AXDND1: variants seen among roughly 807,000 people sequenced by gnomAD.
AXDND1 encodes axonemal dynein light chain domain-containing protein 1.
In AXDND1, 110 loss-of-function variants were observed where a neutral mutation model predicts 137.5. The observed-to-expected ratio is 0.80, with a 90% CI of 0.69 to 0.94. The LOEUF is 0.94. Among genes scored for constraint, AXDND1 ranks in the 40% least tolerant of loss-of-function variants. The pLI is 0.00. For synonymous variants in AXDND1, 414 were observed against 399.7 expected (o/e 1.04, Z -0.43); for missense variants, 1,191 against 1,169.8 (o/e 1.02, Z -0.26).
At position 179,468,547 on chromosome 1, in the gene AXDND1, A is replaced by G; in HGVS notation, c.1903A>G (p.Ile635Val). ...PDTPLEEWQE[I>V]DEKINEMKSH... ...TACGCCTCTTGAAGAATGGCAGGAA[A>G]TAGATGAAAAAATTAATGAAATGAA... The change falls in exon 17 of 26, where the codon ATA becomes GTA. Residue 635 changes from isoleucine (I) to valine (V), a missense_variant. Transcript: ENST00000367618. 3.7e-6 allele frequency: 6 copies of G among 1,612,974 alleles called. No homozygotes were observed. The highest frequency in any genetic ancestry group is 5.1e-6 in the Non-Finnish European group (6 of 1,179,424).
At chr1:179,442,468 C>T (rs960898775) in intron 15 of AXDND1, among the ~76,000 whole-genome samples, 8 of 152,194 alleles carry the variant, frequency 5.3e-5, no homozygotes, top group Admixed American at 5.2e-4. Context: ...TCAAGAGTGC[C>T]TGCCTGTGGA....
chr1:179,405,373 A>G (rs1222629693), intron 11 of AXDND1, among the ~76,000 whole-genome samples: 4 of 152,240 alleles, frequency 2.6e-5, no homozygotes, highest in African/African-American at 9.6e-5. Context: ...ATAATGCTGC[A>G]GTAAACATAC....
At chr1:179,370,156 C>T in intron 4 of AXDND1, 78 bp downstream of exon 4, 1 of 1,134,854 alleles carries the variant, frequency 8.8e-7, no homozygotes, top group Non-Finnish European at 1.3e-6. Flanking sequence ...TTGGGAGGGG[C>T]AGAATTAGAA....
At chr1:179,468,919 A>G (rs1237610164) in intron 17 of AXDND1, among the ~76,000 whole-genome samples, 5 of 149,846 alleles carry the variant, frequency 3.3e-5, no homozygotes, top group African/African-American at 1.2e-4. Flanking sequence ...TGTTGATTGT[A>G]TTGTTATGAA....
intron 25 of AXDND1, among the ~76,000 whole-genome samples, chr1:179,541,974 G>A (rs1483256401): frequency 6.6e-6 from 1 of 152,104 alleles, no homozygotes; most frequent in African/African-American, 2.4e-5. Context: ...AACAGGATAT[G>A]ACATCATTTT....
intron 21 of AXDND1, among the ~76,000 whole-genome samples, chr1:179,516,534 T>C (rs1669557144): frequency 6.6e-6 from 1 of 152,192 alleles, no homozygotes; most frequent in African/African-American, 2.4e-5. Context: ...GAGCCTTGTT[T>C]TGTCATAGTA....
intron 12 of AXDND1, among the ~76,000 whole-genome samples, chr1:179,422,483 T>A (rs540573198): frequency 6.6e-6 from 1 of 152,320 alleles, no homozygotes; most frequent in African/African-American, 2.4e-5. Context: ...ATTCCATCAT[T>A]GTGGTCAGAA....
At chr1:179,479,503 T>C (rs1003345869) in intron 17 of AXDND1, among the ~76,000 whole-genome samples, 2 of 144,302 alleles carry the variant, frequency 1.4e-5, no homozygotes, top group African/African-American at 5.1e-5. Context: ...AAAGGCTGGG[T>C]GTGGTGGCTC....
At chr1:179,512,379 T>G (rs1669137351) in intron 21 of AXDND1, among the ~76,000 whole-genome samples, 1 of 152,060 alleles carries the variant, frequency 6.6e-6, no homozygotes, top group African/African-American at 2.4e-5. Context: ...CTATAAGTAT[T>G]TGGATTTATT....
At chr1:179,368,405 A>G (rs1667688100) in intron 2 of AXDND1, among the ~76,000 whole-genome samples, 1 of 152,216 alleles carries the variant, frequency 6.6e-6, no homozygotes, top group Non-Finnish European at 1.5e-5. Flanking sequence ...AAAAATTACT[A>G]AATAATTTGA....
rs561383814 is a variant in AXDND1 at position 179,500,721 on chromosome 1, G to A, written c.2388+7770G>A. ...AGAATCTGGCTCTGTTGCCCAGGCC[G>A]GAGTGCAGTGGCACGATGTCAGCTC... On this transcript the variant is annotated intron_variant, in intron 20 of 25. Transcript: ENST00000367618. 3.3e-5 allele frequency among the ~76,000 whole-genome samples: 5 copies of A among 152,220 alleles called. No individual in the cohort carries two copies. The East Asian group carries it at 5.8e-4, about 18-fold the overall frequency.
intron 7 of AXDND1, among the ~76,000 whole-genome samples, chr1:179,383,211 G>A (rs1217816619): frequency 6.6e-6 from 1 of 151,772 alleles, no homozygotes; most frequent in African/African-American, 2.4e-5. Context: ...TTGGGGGGAA[G>A]CATTATTTTC....
chr1:179,429,734 G>T, intron 13 of AXDND1, 115 bp downstream of exon 13: 1 of 545,240 alleles, frequency 1.8e-6, no homozygotes, highest in Non-Finnish European at 3.0e-6. Context: ...TTATATTAGT[G>T]CTTATTGTAC....
chr1:179,416,916 G>T (rs915561497), intron 12 of AXDND1, among the ~76,000 whole-genome samples: 1 of 152,120 alleles, frequency 6.6e-6, no homozygotes, highest in Non-Finnish European at 1.5e-5. Context: ...TGGTTTCTCA[G>T]CTCCTTCGGC....
intron 16 of AXDND1, among the ~76,000 whole-genome samples, chr1:179,466,203 G>T (rs555931490): frequency 2.6e-5 from 4 of 151,934 alleles, no homozygotes; most frequent in African/African-American, 9.7e-5. Context: ...CATTGCTCAC[G>T]CTGGGAGCTG....
chr1:179,504,050 A>G (rs1010063234), intron 20 of AXDND1, among the ~76,000 whole-genome samples: 10 of 152,220 alleles, frequency 6.6e-5, no homozygotes, highest in Non-Finnish European at 1.0e-4. Context: ...GTGGTAGAAA[A>G]TTACAAGACT....
intron 18 of AXDND1, 74 bp downstream of exon 18, chr1:179,483,295 C>G: frequency 1.0e-6 from 1 of 968,432 alleles, no homozygotes; most frequent in Non-Finnish European, 1.5e-6. Context: ...AAATAATGCT[C>G]TCCCTATTTA....
intron 20 of AXDND1, among the ~76,000 whole-genome samples, chr1:179,501,322 A>G (rs1667977607): frequency 6.6e-6 from 1 of 152,176 alleles, no homozygotes; most frequent in Non-Finnish European, 1.5e-5. Flanking sequence ...ATGGACAACT[A>G]TGTCAATGGA....
At chr1:179,536,190 T>G (rs955359588) in intron 25 of AXDND1, among the ~76,000 whole-genome samples, 1 of 152,228 alleles carries the variant, frequency 6.6e-6, no homozygotes, top group African/African-American at 2.4e-5. Flanking sequence ...TAGTTTCTTT[T>G]GCTGTGCAGA....
Sources: allele counts gnomAD v4.1 joint callset (sites outside exome capture counted in the v4.1 genomes callset), GRCh38; gene constraint gnomAD v4.1.1; transcripts MANE v1.5; gene names NCBI Gene and HGNC (gene_info 2026-07-23, HGNC 2026-07-21).